PIEZO2: variants seen among roughly 807,000 people sequenced by gnomAD.
PIEZO2 encodes piezo type mechanosensitive ion channel component 2.
Under a neutral mutation model 337.3 loss-of-function variants are expected in PIEZO2, and 172 were observed. The ratio of observed to expected loss-of-function variants is 0.51; its 90% CI spans 0.45 to 0.58. The LOEUF is 0.58. Ranked by LOEUF, PIEZO2 falls within the 20% of genes least tolerant of loss-of-function variation. The pLI, the probability that PIEZO2 is intolerant of heterozygous loss-of-function variation, is 0.00. For synonymous variants in PIEZO2, 1,251 were observed against 1,228.5 expected, an observed-to-expected ratio of 1.02 and a Z score of -0.38; for missense variants, 3,028 against 3,391.3, an observed-to-expected ratio of 0.89 and a Z score of 2.66.
At position 11,080,051 on chromosome 18, in the gene PIEZO2, T is replaced by G. The variant is rs1469256078; in HGVS notation, c.65-13829A>C. Among the ~76,000 whole-genome samples the G allele has an allele frequency of 6.6e-6, 1 of 152,146 alleles. No individual in the cohort carries two copies. The highest frequency in any genetic ancestry group is 1.5e-5 in the Non-Finnish European group (1 of 68,012). ...AGAAGGATGCACACACTGTCCAGTG[T>G]CAAGGAAAAACTGGGAACTAATCCC... On this transcript the variant is annotated intron_variant, in intron 1 of 55. Transcript: ENST00000674853. This position sits in a 1 kb window ranked among gnomAD's most constrained non-coding sequence, Gnocchi z 5.4.
In PIEZO2 at chr18:10,978,669, G is replaced by A. The variant is rs192932163; in HGVS notation, c.286+866C>T. On this transcript the variant is annotated intron_variant, in intron 3 of 55. Coordinates refer to ENST00000674853, the MANE Select transcript of PIEZO2 (RefSeq NM_001378183.1). ...ATTTTGATTTCCTTTTTACTTTACA[G>A]GGAAAAGCAAGTTTGCTTGTACTTG... Among the ~76,000 whole-genome samples the A allele has an allele frequency of 1.4e-4, 21 of 152,246 alleles. 1 individual carries two copies. The highest frequency in any genetic ancestry group is 1.2e-3 in the East Asian group (6 of 5,168).
Position 10,795,044 on chromosome 18 carries a change from A to C in PIEZO2, c.1528-42T>G. 1 of 1,453,528 alleles carries C rather than the reference A, an allele frequency of 6.9e-7. No individual in the cohort carries two copies. Among genetic ancestry groups the C allele is most frequent in the Non-Finnish European group, 9.4e-7 (1 of 1,066,480 alleles). 90.0% of individuals were successfully genotyped at this position (1,453,528 alleles called of 1,614,324 possible). ...AGGAAACACGACCATGGTCAATACA[A>C]TGCTCAGTCCCCCCCGCCCTGGTAA... is the stretch of plus-strand genomic sequence containing the variant. On this transcript the variant is annotated intron_variant, in intron 12 of 55. Coordinates refer to ENST00000674853, the MANE Select transcript of PIEZO2 (RefSeq NM_001378183.1). The surrounding 1 kb of genome is among the most constrained non-coding windows in gnomAD (Gnocchi z 4.4).
chr18:11,039,403 A>G (rs1244057887), intron 2 of PIEZO2, among the ~76,000 whole-genome samples: 15 of 152,216 alleles, frequency 9.9e-5, no homozygotes. Flanking sequence ...TCGTTTGAAC[A>G]GATTTCTTCT....
At chr18:10,964,494 G>T (rs367805737) in intron 3 of PIEZO2, among the ~76,000 whole-genome samples, 1 of 152,002 alleles carries the variant, frequency 6.6e-6, no homozygotes, top group African/African-American at 2.4e-5. Flanking sequence ...AAAAGCATTC[G>T]GTTATTTAAA....
chr18:10,840,953 G>A (rs887618484), intron 7 of PIEZO2, among the ~76,000 whole-genome samples: 2 of 152,220 alleles, frequency 1.3e-5, no homozygotes, highest in Non-Finnish European at 2.9e-5. Context: ...TGTGGGATAT[G>A]AGGAGAGCCA....
chr18:11,005,780 C>T (rs369736727), intron 2 of PIEZO2, among the ~76,000 whole-genome samples: 210 of 152,316 alleles, frequency 1.4e-3, no homozygotes, highest in African/African-American at 5.0e-3. Context: ...TCTCCTTAAC[C>T]CTGAACTGTG....
At chr18:11,054,101 A>G (rs2037633217) in intron 2 of PIEZO2, among the ~76,000 whole-genome samples, 1 of 152,250 alleles carries the variant, frequency 6.6e-6, no homozygotes, top group Admixed American at 6.5e-5. Context: ...CGTTAATTAT[A>G]CATTAGTTAA....
At chr18:10,832,936 G>T (rs571821515) in intron 7 of PIEZO2, among the ~76,000 whole-genome samples, 1 of 152,162 alleles carries the variant, frequency 6.6e-6, no homozygotes, top group East Asian at 1.9e-4. Flanking sequence ...GGCTGGAGGA[G>T]CCCACGTTTC....
chr18:10,790,707 T>C (rs1466250737), intron 14 of PIEZO2, among the ~76,000 whole-genome samples: 1 of 47,174 alleles, frequency 2.1e-5, no homozygotes, highest in Non-Finnish European at 3.6e-5. Flanking sequence ...AAATGGCACT[T>C]TTTTTTTTTT....
At chr18:10,679,094 C>T (rs976878188) in intron 52 of PIEZO2, among the ~76,000 whole-genome samples, 3 of 152,038 alleles carry the variant, frequency 2.0e-5, no homozygotes, top group Admixed American at 6.6e-5. Context: ...TACTACCTCC[C>T]AGCTGATTTT....
intron 5 of PIEZO2, among the ~76,000 whole-genome samples, chr18:10,866,238 G>T (rs1246357033): frequency 6.6e-6 from 1 of 151,140 alleles, no homozygotes; most frequent in Non-Finnish European, 1.5e-5. Flanking sequence ...TCAAGTCCAT[G>T]CTAGGCAATG....
chr18:10,800,080 G>A (rs2039755439), intron 11 of PIEZO2, among the ~76,000 whole-genome samples: 2 of 151,962 alleles, frequency 1.3e-5, no homozygotes, highest in Admixed American at 1.3e-4. Context: ...TACCTAAGTT[G>A]ACATGTTTAA....
intron 17 of PIEZO2, among the ~76,000 whole-genome samples, chr18:10,780,671 T>C (rs927087486): frequency 1.2e-4 from 17 of 141,420 alleles, no homozygotes; most frequent in African/African-American, 4.5e-4. Context: ...TAAGGTACCT[T>C]TTTTTTTTTT....
chr18:10,993,027 T>G lies in PIEZO2; in HGVS notation c.161-13367A>C, dbSNP rs567818334. Among the ~76,000 whole-genome samples, 2 of 152,322 alleles carry G rather than the reference T, an allele frequency of 1.3e-5. No homozygotes were observed. Among genetic ancestry groups the G allele is most frequent in the South Asian group, 4.1e-4 (2 of 4,822 alleles). On this transcript the variant is annotated intron_variant, in intron 2 of 55. Transcript: ENST00000674853. The surrounding 1 kb of genome is among the most constrained non-coding windows in gnomAD (Gnocchi z 5.0). ...AATTCATTCATGATTTGGCTGTTTG[T>G]CTGTTATTGGTGTATAGGAATGCTT... is the stretch of plus-strand genomic sequence containing the variant.
rs997954287 is a variant in PIEZO2 at position 10,894,289 on chromosome 18, TAAAAATACAAAA to T, written c.329+16885_329+16896del. Among the ~76,000 whole-genome samples the T allele has an allele frequency of 2.0e-5, 3 of 151,190 alleles. No individual in the cohort carries two copies. The highest frequency in any genetic ancestry group is 6.6e-5 in the Admixed American group (1 of 15,260). ...CAACATGGAGAAATCCCCTCTGTAC[TAAAAATACAAAA>T]AAAACAGCCAGGCGTGGTGGTGGAC... is the stretch of plus-strand genomic sequence containing the variant. On this transcript the variant is annotated intron_variant, in intron 4 of 55. Coordinates refer to ENST00000674853, the MANE Select transcript of PIEZO2 (RefSeq NM_001378183.1). This position sits in a 1 kb window ranked among gnomAD's most constrained non-coding sequence, Gnocchi z 4.1.
chr18:11,046,020 G>C (rs1245382531), intron 2 of PIEZO2, among the ~76,000 whole-genome samples: 10 of 152,100 alleles, frequency 6.6e-5, no homozygotes, highest in Admixed American at 6.5e-4. Context: ...TTCCACAGAA[G>C]GTCAAAAATC....
At chr18:10,711,813 G>A (rs1466584848) in intron 39 of PIEZO2, among the ~76,000 whole-genome samples, 1 of 151,992 alleles carries the variant, frequency 6.6e-6, no homozygotes, top group African/African-American at 2.4e-5. Flanking sequence ...AGTTGAATAT[G>A]ATCATGACTT....
chr18:11,034,459 A>T (rs895843581), intron 2 of PIEZO2, among the ~76,000 whole-genome samples: 3 of 151,854 alleles, frequency 2.0e-5, no homozygotes, highest in Non-Finnish European at 4.4e-5. Context: ...CGCCAGGCTA[A>T]TTTTTTTGTA....
intron 3 of PIEZO2, among the ~76,000 whole-genome samples, chr18:10,951,323 C>G (rs886356319): frequency 4.6e-5 from 7 of 152,158 alleles, no homozygotes; most frequent in South Asian, 2.1e-4. Context: ...GACTCTTCCC[C>G]GAATTGCAAT....
Sources: allele counts gnomAD v4.1 joint callset (sites outside exome capture counted in the v4.1 genomes callset), GRCh38; gene constraint gnomAD v4.1.1; non-coding constraint Gnocchi (gnomAD v3.1); transcripts MANE v1.5; gene names NCBI Gene and HGNC (gene_info 2026-07-23, HGNC 2026-07-21).